The following CYP27C1 variants were observed in gnomAD, a reference collection of about 807,000 sequenced individuals.
CYP27C1 encodes the protein cytochrome P450 27C1.
In CYP27C1, 29 loss-of-function variants were observed where a neutral mutation model predicts 40.6. The ratio of observed to expected loss-of-function variants is 0.71; its 90% CI spans 0.53 to 0.97. The LOEUF (loss-of-function observed/expected upper bound fraction) is 0.97, where lower values mean the gene tolerates loss of function less well. Among genes scored for constraint, CYP27C1 ranks in the 50% least tolerant of loss-of-function variants. The pLI is 0.00. For missense variants in CYP27C1, 390 were observed against 485.8 expected (o/e 0.80, Z 1.85); for synonymous variants, 198 against 186.8 (o/e 1.06, Z -0.49).
Position 127,219,121 on chromosome 2 carries a change from C to T in CYP27C1, c.282+868G>A, listed in dbSNP as rs2104704893. On this transcript the variant is annotated intron_variant, in intron 1 of 8. Transcript: ENST00000664447. The surrounding 1 kb of genome is among the most constrained non-coding windows in gnomAD (Gnocchi z 8.7). ...TCCGAGCCTCCGTCCCCTCTTCCCC[C>T]GCCATTACAAAATACAAAAAGGACT... is the stretch of plus-strand genomic sequence containing the variant. Among the ~76,000 whole-genome samples, 1 of 152,274 alleles carries T rather than the reference C, an allele frequency of 6.6e-6. No homozygotes were observed. Among genetic ancestry groups the T allele is most frequent in the South Asian group, 2.1e-4 (1 of 4,830 alleles).
chr2:127,219,535 T>A lies in CYP27C1; in HGVS notation c.282+454A>T, dbSNP rs1683506433. Among the ~76,000 whole-genome samples, 1 of 146,392 alleles carries A rather than the reference T, an allele frequency of 6.8e-6. No individual in the cohort carries two copies. The highest frequency in any genetic ancestry group is 1.5e-5 in the Non-Finnish European group (1 of 66,234). ...TCCGAAACTCCATCCCTGACTCCCC[T>A]CCCCGCTACCTCCTCCCCAGGGGTC... On this transcript the variant is annotated intron_variant, in intron 1 of 8. Coordinates refer to ENST00000664447, the MANE Select transcript of CYP27C1 (RefSeq NM_001367502.1). The surrounding 1 kb of genome is among the most constrained non-coding windows in gnomAD (Gnocchi z 8.7).
rs748917741 is a variant in CYP27C1, at chr2:127,203,393, A to C, written c.652T>G (p.Phe218Val). The C allele has an allele frequency of 1.9e-6, 3 of 1,612,746 alleles. No homozygotes were observed. The highest frequency in any genetic ancestry group is 2.5e-6 in the Non-Finnish European group (3 of 1,179,636). ...GETVTNVNDL[F>V]FKYSMEGVAT... ...TCACCTTCCATTGAATATTTGAAGA[A>C]AAGATCATTGACATTGGTCACGGTT... Residue 218 changes from phenylalanine to valine, a missense_variant, in exon 3 of 9, where the codon TTC (phenylalanine) becomes GTC (valine). Coordinates refer to ENST00000664447, the MANE Select transcript of CYP27C1 (RefSeq NM_001367502.1).
At chr2:127,213,201 A>T (rs1683366520) in intron 1 of CYP27C1, among the ~76,000 whole-genome samples, 1 of 152,226 alleles carries the variant, frequency 6.6e-6, no homozygotes, top group South Asian at 2.1e-4. Context: ...TTCCATCCTT[A>T]TGGATAGGAA....
At chr2:127,194,377 C>G (rs1194212219) in intron 6 of CYP27C1, among the ~76,000 whole-genome samples, 1 of 152,132 alleles carries the variant, frequency 6.6e-6, no homozygotes, top group Non-Finnish European at 1.5e-5. Context: ...GGTTGACGGT[C>G]ATTATCAAGT....
intron 1 of CYP27C1, among the ~76,000 whole-genome samples, chr2:127,213,884 A>C (rs1683379813): frequency 6.6e-6 from 1 of 152,220 alleles, no homozygotes; most frequent in African/African-American, 2.4e-5. Context: ...AACCTACAGA[A>C]TGGGAGAAAG....
chr2:127,195,477 C>T lies in CYP27C1; in HGVS notation c.1072G>A (p.Val358Met). ...TCTGGGTGCCTTGCCAGGAGGTACACAGTCCAAGACAAGGTGAAGGACGTC... is the reference window on the plus strand; with the variant it reads ...TCTGGGTGCCTTGCCAGGAGGTACATAGTCCAAGACAAGGTGAAGGACGTC... ...DTTSFTLSWTVYLLARHPEVQ... is the reference protein window; with the variant it reads ...DTTSFTLSWTMYLLARHPEVQ... Residue 358 changes from valine to methionine, a missense_variant, in exon 6 of 9, where the codon GTG becomes ATG. Coordinates refer to ENST00000664447, the MANE Select transcript of CYP27C1 (RefSeq NM_001367502.1). The surrounding 1 kb of genome is among the most constrained non-coding windows in gnomAD (Gnocchi z 6.2). 1 of 1,614,000 alleles carries T rather than the reference C, an allele frequency of 6.2e-7. No homozygotes were observed.
At position 127,205,839 on chromosome 2, in the gene CYP27C1, A is replaced by AG. The variant is rs566452293; in HGVS notation, c.473+60dup. On this transcript the variant is annotated intron_variant, in intron 2 of 8. Transcript: ENST00000664447. ...GCTTTTAGGAACTCAGCTTTGGAGGAGGGGGCCTCCCCCTGAGCTCCCCCT... is the reference window on the plus strand; with the variant it reads ...GCTTTTAGGAACTCAGCTTTGGAGGAGGGGGGCCTCCCCCTGAGCTCCCCCT... 14 of 808,660 alleles carry AG rather than the reference A, an allele frequency of 1.7e-5. No homozygotes were observed. In the South Asian group the frequency reaches 7.3e-4, roughly 42 times the overall value. 50.1% of individuals were successfully genotyped at this position (808,660 alleles called of 1,614,324 possible).
intron 8 of CYP27C1, among the ~76,000 whole-genome samples, chr2:127,187,900 T>C (rs1682669134): frequency 6.6e-6 from 1 of 152,170 alleles, no homozygotes; most frequent in South Asian, 2.1e-4. Context: ...GGTTCGTAAC[T>C]TTGATTCCAT....
rs1683507630 is a variant in CYP27C1, at chr2:127,219,565, C to T, written c.282+424G>A. Among the ~76,000 whole-genome samples, 1 of 151,824 alleles carries T rather than the reference C, an allele frequency of 6.6e-6. No homozygotes were observed. The highest frequency in any genetic ancestry group is 1.5e-5 in the Non-Finnish European group (1 of 67,900). On this transcript the variant is annotated intron_variant, in intron 1 of 8. Coordinates refer to ENST00000664447, the MANE Select transcript of CYP27C1 (RefSeq NM_001367502.1). This position sits in a 1 kb window ranked among gnomAD's most constrained non-coding sequence, Gnocchi z 8.7. ...GCTACCTCCTCCCCAGGGGTCCCGG[C>T]TGGGGCCCCTCCAGGGGACCCCTCC...
Position 127,203,266 on chromosome 2 carries a change from G to A in CYP27C1, c.673+106C>T, listed in dbSNP as rs995914740. Reference sequence around the variant, plus strand: ...GGAGGTGACATGCATGTATGTCCCAGACTTAGCACACTGCCTGGGACCCAG... The same window carrying A: ...GGAGGTGACATGCATGTATGTCCCAAACTTAGCACACTGCCTGGGACCCAG... On this transcript the variant is annotated intron_variant, in intron 3 of 8. Coordinates refer to ENST00000664447, the MANE Select transcript of CYP27C1 (RefSeq NM_001367502.1). The A allele has an allele frequency of 9.7e-6, 13 of 1,335,534 alleles. No homozygotes were observed. In the South Asian group the frequency reaches 9.8e-5, roughly 10 times the overall value. 82.7% of individuals were successfully genotyped at this position (1,335,534 alleles called of 1,614,324 possible). A position where few individuals can be genotyped will look rare whatever the true frequency, so the allele number is the denominator to read the frequency against.
intron 1 of CYP27C1, among the ~76,000 whole-genome samples, chr2:127,217,299 T>C (rs111739338): frequency 0.016 from 2,447 of 152,318 alleles, 69 homozygotes; most frequent in African/African-American, 0.055. Context: ...CTTTGGAAGT[T>C]AGGTCCCACT....
Position 127,196,820 on chromosome 2 carries a change from C to T in CYP27C1, c.1048-1319G>A, listed in dbSNP as rs1358492486. On this transcript the variant is annotated intron_variant, in intron 5 of 8. Coordinates refer to ENST00000664447, the MANE Select transcript of CYP27C1 (RefSeq NM_001367502.1). This position sits in a 1 kb window ranked among gnomAD's most constrained non-coding sequence, Gnocchi z 4.5. ...ACATGAATGAACCTGAGTCATTCTTCTGAGTGCAGGAAGCCAGATGGAAAA... is the reference window on the plus strand; with the variant it reads ...ACATGAATGAACCTGAGTCATTCTTTTGAGTGCAGGAAGCCAGATGGAAAA... Among the ~76,000 whole-genome samples, 1 of 152,158 alleles carries T rather than the reference C, an allele frequency of 6.6e-6. No homozygotes were observed. The highest frequency in any genetic ancestry group is 2.4e-5 in the African/African-American group (1 of 41,420).
At chr2:127,197,865 C>T (rs540207979) in intron 5 of CYP27C1, among the ~76,000 whole-genome samples, 7 of 151,862 alleles carry the variant, frequency 4.6e-5, no homozygotes, top group African/African-American at 1.7e-4. Flanking sequence ...GCTCCTTATT[C>T]CCCCCGGACC....
In CYP27C1 at chr2:127,199,525, C is replaced by A; in HGVS notation, c.898G>T (p.Asp300Tyr). ...GLFKFSQIHV[D>Y]NKLRDIQYQM... is the part of the protein sequence containing the mutation. The stretch of plus-strand genomic sequence containing the variant: ...TACTGTATGTCCCTCAACTTGTTGT[C>A]AACATGAATTTGGCCTGTTTGAAAA... Residue 300 changes from aspartate (D) to tyrosine (Y), a missense_variant, in exon 5 of 9, where the codon GAC becomes TAC. Physicochemically the swap from Asp to Tyr is radical, Grantham distance 160 (BLOSUM62 -3). Coordinates refer to ENST00000664447, the MANE Select transcript of CYP27C1 (RefSeq NM_001367502.1). The A allele has an allele frequency of 6.2e-7, 1 of 1,613,384 alleles. No individual in the cohort carries two copies. The highest frequency in any genetic ancestry group is 1.1e-5 in the South Asian group (1 of 90,948).
chr2:127,207,795 C>T (rs944254294), intron 1 of CYP27C1, among the ~76,000 whole-genome samples: 16 of 152,062 alleles, frequency 1.1e-4, no homozygotes, highest in African/African-American at 3.9e-4. Context: ...ATCTACAAAA[C>T]ATTGTTTAAA....
intron 8 of CYP27C1, among the ~76,000 whole-genome samples, chr2:127,190,342 C>CTTTTTTTTTTTTTTTTTT (rs1241035422): frequency 5.2e-5 from 5 of 96,638 alleles, no homozygotes; most frequent in Non-Finnish European, 7.6e-5. Context: ...TTTTTTTTTT[C>CTTTTTTTTTTTTTTTTTT]TTTTTTTTTT....
rs1232133712 is a variant in CYP27C1 at position 127,185,313 on chromosome 2, A to G, written c.*1958T>C. 1 of 152,234 alleles carries G rather than the reference A, an allele frequency of 6.6e-6. No individual in the cohort carries two copies. The highest frequency in any genetic ancestry group is 2.4e-5 in the African/African-American group (1 of 41,424). 9.4% of individuals were successfully genotyped at this position (152,234 alleles called of 1,614,324 possible). On this transcript the variant is annotated 3_prime_UTR_variant, in exon 9 of 9. Coordinates refer to ENST00000664447, the MANE Select transcript of CYP27C1 (RefSeq NM_001367502.1). The surrounding 1 kb of genome is among the most constrained non-coding windows in gnomAD (Gnocchi z 4.9). The stretch of plus-strand genomic sequence containing the variant: ...CCCTTCCTGTTCAGTGAGACTCAGC[A>G]GCGGGCACAGGTGCTACCCCCAGCC...
chr2:127,201,462 G>T lies in CYP27C1; in HGVS notation c.674-131C>A. The T allele has an allele frequency of 1.2e-6, 1 of 806,930 alleles. No individual in the cohort carries two copies. Among genetic ancestry groups the T allele is most frequent in the Non-Finnish European group, 1.9e-6 (1 of 515,124 alleles). The allele number at this position is 806,930 out of a possible 1,614,324, so 50.0% of individuals were successfully genotyped here. On this transcript the variant is annotated intron_variant, in intron 3 of 8. Coordinates refer to ENST00000664447, the MANE Select transcript of CYP27C1 (RefSeq NM_001367502.1). The surrounding 1 kb of genome is among the most constrained non-coding windows in gnomAD (Gnocchi z 6.0). ...CATGAATGAGGCATCGTCCCTCTGA[G>T]GATTTCTCTGCATCCTGAACTGCAG... is the stretch of plus-strand genomic sequence containing the variant.
intron 1 of CYP27C1, among the ~76,000 whole-genome samples, chr2:127,210,328 A>C (rs1466484289): frequency 6.6e-6 from 1 of 152,238 alleles, no homozygotes; most frequent in Non-Finnish European, 1.5e-5. Context: ...TTTTGTTACC[A>C]CTGGGTCTGC....
Sources: gnomAD v4.1 joint callset for allele counts (sites outside exome capture counted in the v4.1 genomes callset) on GRCh38, gnomAD v4.1.1 for gene constraint, Gnocchi (gnomAD v3.1) non-coding constraint, MANE v1.5 for transcripts, NCBI Gene and HGNC (gene_info 2026-07-23, HGNC 2026-07-21) for gene names.